PDK1: variants seen among roughly 807,000 people sequenced by gnomAD.
PDK1 encodes the protein pyruvate dehydrogenase kinase 1, also known as [Pyruvate dehydrogenase (acetyl-transferring)] kinase isozyme 1, mitochondrial.
Under a neutral mutation model 54.2 loss-of-function variants are expected in PDK1, and 39 were observed. The ratio of observed to expected loss-of-function variants is 0.72; its 90% CI spans 0.56 to 0.94. The LOEUF (loss-of-function observed/expected upper bound fraction) is 0.94. PDK1 is among the 40% of genes least tolerant of loss of function. PDK1 has a pLI of 0.00. For synonymous variants in PDK1, 221 were observed against 207.1 expected (o/e 1.07, Z -0.58); for missense variants, 552 against 566.0 (o/e 0.98, Z 0.25).
At chr2:172,655,799 T>C in the PDK1 span, among the ~76,000 whole-genome samples, 1 of 152,230 alleles carries the variant, frequency 6.6e-6, no homozygotes, top group African/African-American at 2.4e-5. Context: ...CAGTGGACCC[T>C]CTGCCTTTCT....
the PDK1 span, among the ~76,000 whole-genome samples, chr2:172,671,910 GA>G: frequency 6.6e-6 from 1 of 152,126 alleles, no homozygotes; most frequent in Admixed American, 6.5e-5. Flanking sequence ...AAAATTTGGA[GA>G]AAGATGAATT....
the PDK1 span, among the ~76,000 whole-genome samples, chr2:172,626,820 A>C: frequency 1.3e-5 from 2 of 152,156 alleles, no homozygotes; most frequent in Admixed American, 1.3e-4. Flanking sequence ...TCATTAATTT[A>C]TTTAAGAAAT....
At chr2:172,555,999 C>T, upstream of PDK1, 1 of 487,354 alleles carries the variant, frequency 2.1e-6, no homozygotes, top group Non-Finnish European at 3.3e-6. Flanking sequence ...CGCCCAGCGG[C>T]GCAGGGGGCC....
At chr2:172,658,036 G>T in the PDK1 span, among the ~76,000 whole-genome samples, 2 of 152,120 alleles carry the variant, frequency 1.3e-5, no homozygotes. Flanking sequence ...TCCTTCTAAT[G>T]ATCAGCTCTT....
chr2:172,634,124 C>T, the PDK1 span, among the ~76,000 whole-genome samples: 2,388 of 151,278 alleles, frequency 0.016, 63 homozygotes, highest in African/African-American at 0.055. Flanking sequence ...GTCATCTGCC[C>T]GCCTCAGCCT....
the PDK1 span, among the ~76,000 whole-genome samples, chr2:172,614,661 C>T: frequency 6.6e-6 from 1 of 152,180 alleles, no homozygotes; most frequent in African/African-American, 2.4e-5. Flanking sequence ...GGATAATTGC[C>T]TACAGAGAGG....
chr2:172,575,161 T>C (rs1689509164), intron 8 of PDK1, among the ~76,000 whole-genome samples: 1 of 152,254 alleles, frequency 6.6e-6, no homozygotes, highest in African/African-American at 2.4e-5. Context: ...GTGTATTACA[T>C]TGCTTTTTCT....
rs189308509 is a variant in PDK1 at position 172,579,012 on chromosome 2, A to C, written c.946-7266A>C. On this transcript the variant is annotated intron_variant, in intron 8 of 10. Transcript: ENST00000282077. ...ATAGAGCAATTAGAGGTGAGAGCTT[A>C]GGGCCTTCTCAGTGTCTTTCCTGAG... Among the ~76,000 whole-genome samples, 665 of 152,320 alleles carry C rather than the reference A, an allele frequency of 4.4e-3. 7 individuals carry two copies. The highest frequency in any genetic ancestry group is 0.014 in the African/African-American group (602 of 41,558).
At chr2:172,633,966 C>G in the PDK1 span, among the ~76,000 whole-genome samples, 1 of 145,620 alleles carries the variant, frequency 6.9e-6, no homozygotes, top group Non-Finnish European at 1.5e-5. Context: ...AACTCCACCT[C>G]CTGGGTTCAA....
At chr2:172,620,863 C>T in the PDK1 span, among the ~76,000 whole-genome samples, 26 of 152,268 alleles carry the variant, frequency 1.7e-4, 1 homozygote, top group South Asian at 5.0e-3. Context: ...GTACAGCCTG[C>T]AGAACCGTGA....
chr2:172,585,315 A>ATTTTTT (rs1217712286), intron 8 of PDK1, among the ~76,000 whole-genome samples: 1 of 117,154 alleles, frequency 8.5e-6, no homozygotes, highest in African/African-American at 4.2e-5. Flanking sequence ...ATGCATTTTT[A>ATTTTTT]ATTTTTTTTT....
chr2:172,620,669 C>G, the PDK1 span, among the ~76,000 whole-genome samples: 6 of 152,118 alleles, frequency 3.9e-5, no homozygotes, highest in African/African-American at 1.4e-4. Flanking sequence ...AACACCATCC[C>G]CTTGGTGCTG....
At chr2:172,702,698 AT>A in the PDK1 span, among the ~76,000 whole-genome samples, 19 of 147,130 alleles carry the variant, frequency 1.3e-4, no homozygotes, top group Middle Eastern at 3.6e-3. Flanking sequence ...CTTCTTTTGG[AT>A]TTTGGCCCTA....
rs370457002 is a variant in PDK1 at position 172,599,743 on chromosome 2, C to A, written c.*3774C>A. On this transcript the variant is annotated 3_prime_UTR_variant, in exon 11 of 11. Transcript: ENST00000282077. Reference sequence around the variant, plus strand: ...AAAGAATTGAACATATGTACCACCCCCCTCTTTCTAGAGTCTCCACAGTTC... The same window carrying A: ...AAAGAATTGAACATATGTACCACCCACCTCTTTCTAGAGTCTCCACAGTTC... 2 of 152,134 alleles carry A rather than the reference C, an allele frequency of 1.3e-5. No individual in the cohort carries two copies. Among genetic ancestry groups the A allele is most frequent in the Non-Finnish European group, 2.9e-5 (2 of 68,012 alleles). The allele number at this position is 152,134 out of a possible 1,614,324, so 9.4% of individuals were successfully genotyped here. A position where few individuals can be genotyped will look rare whatever the true frequency, so the allele number is the denominator to read the frequency against.
the PDK1 span, among the ~76,000 whole-genome samples, chr2:172,618,938 T>C: frequency 6.6e-6 from 1 of 152,120 alleles, no homozygotes; most frequent in Non-Finnish European, 1.5e-5. Flanking sequence ...GGTAAAGAAA[T>C]TATGGTCTGC....
At chr2:172,702,203 G>A in the PDK1 span, among the ~76,000 whole-genome samples, 1 of 152,112 alleles carries the variant, frequency 6.6e-6, no homozygotes, top group East Asian at 1.9e-4. Flanking sequence ...ATGGCCGGGC[G>A]CAGTGGTTCA....
At chr2:172,622,871 G>GATATATGTTTATATATTATATGTAATATA in the PDK1 span, among the ~76,000 whole-genome samples, 10 of 146,190 alleles carry the variant, frequency 6.8e-5, no homozygotes, top group African/African-American at 2.5e-4. Context: ...AATATAATAT[G>GATATATGTTTATATATTATATGTAATATA]ATATATGTTT....
the PDK1 span, among the ~76,000 whole-genome samples, chr2:172,710,645 A>G: frequency 6.3e-3 from 953 of 152,324 alleles, 13 homozygotes; most frequent in African/African-American, 0.022. Context: ...CTGTAAAGGA[A>G]ATTAAGAAAT....
At chr2:172,695,074 C>T in the PDK1 span, among the ~76,000 whole-genome samples, 2 of 152,190 alleles carry the variant, frequency 1.3e-5, no homozygotes, top group South Asian at 2.1e-4. Context: ...GCCTATATGA[C>T]GCCACTGCAC....
Sources: allele counts gnomAD v4.1 joint callset (sites outside exome capture counted in the v4.1 genomes callset), GRCh38; gene constraint gnomAD v4.1.1; transcripts MANE v1.5; gene names NCBI Gene and HGNC (gene_info 2026-07-23, HGNC 2026-07-21).